The following THOP1 variants were observed in gnomAD, a reference collection of about 807,000 sequenced individuals.
THOP1 encodes thimet oligopeptidase 1, also known as thimet oligopeptidase.
THOP1 carries 49 observed loss-of-function variants against 71.8 expected under a neutral mutation model. That is an observed-to-expected ratio of 0.68 (90% CI 0.54 to 0.87). THOP1 has a LOEUF of 0.87. THOP1 is among the 40% of genes least tolerant of loss of function. THOP1 has a pLI of 0.00. For synonymous variants in THOP1, 426 were observed against 421.5 expected, an observed-to-expected ratio of 1.01 and a Z score of -0.13; for missense variants, 843 against 975.6, an observed-to-expected ratio of 0.86 and a Z score of 1.81.
In THOP1 at chr19:2,801,476, G is replaced by A. The variant is rs961609720; in HGVS notation, c.589+1685G>A. 1.3e-5 allele frequency among the ~76,000 whole-genome samples: 2 copies of A among 152,178 alleles called. No individual in the cohort carries two copies. The highest frequency in any genetic ancestry group is 2.4e-5 in the African/African-American group (1 of 41,436). On this transcript the variant is annotated intron_variant, in intron 5 of 12. Transcript: ENST00000307741. The surrounding 1 kb of genome is among the most constrained non-coding windows in gnomAD (Gnocchi z 5.1). ...GAGTCCCATGTGGCCAGGTGACACC[G>A]TCATGCGGGTGGCTAGCGTGTTGGG...
intron 4 of THOP1, 51 bp downstream of exon 4, chr19:2,796,239 G>T: frequency 6.9e-7 from 1 of 1,448,890 alleles, no homozygotes; most frequent in South Asian, 1.2e-5. Flanking sequence ...TCGATCCCGG[G>T]GAGTGCTGGG....
At chr19:2,799,627 G>C in intron 4 of THOP1, 62 bp from the exon 5 acceptor site, 1 of 1,373,944 alleles carries the variant, frequency 7.3e-7, no homozygotes, top group Non-Finnish European at 1.0e-6. Context: ...CCCAGGCGTT[G>C]CGTCTCCCCG....
At chr19:2,800,239 G>A (rs2144768801) in intron 5 of THOP1, among the ~76,000 whole-genome samples, 1 of 152,322 alleles carries the variant, frequency 6.6e-6, no homozygotes, top group Admixed American at 6.5e-5. Flanking sequence ...AGGCTGGAGT[G>A]CAGTGGTGCG....
chr19:2,789,617 C>T lies in THOP1; in HGVS notation c.17-804C>T, dbSNP rs147599807. On this transcript the variant is annotated intron_variant, in intron 1 of 12. Coordinates refer to ENST00000307741, the MANE Select transcript of THOP1 (RefSeq NM_003249.5). ...GAAGGGACTCCTCCCGAAAACCCCC[C>T]GATACCTCACCTTTCCCCTCTGGCA... Among the ~76,000 whole-genome samples the T allele has an allele frequency of 8.5e-3, 1,297 of 152,316 alleles. 22 individuals carry two copies. Among genetic ancestry groups the T allele is most frequent in the African/African-American group, 0.03 (1,240 of 41,574 alleles).
intron 4 of THOP1, among the ~76,000 whole-genome samples, chr19:2,798,402 T>G (rs1472621864): frequency 6.6e-6 from 1 of 151,952 alleles, no homozygotes; most frequent in Non-Finnish European, 1.5e-5. Context: ...AGCCACAAAC[T>G]CTCCCACAAG....
chr19:2,811,297 G>T lies in THOP1; in HGVS notation c.1772-301G>T, dbSNP rs375971187. ...CGTTTTCAGCAGCGTGGCCTGTGATGTTGCGTGGGCGTGCCTTGCTTTATT... is the reference window on the plus strand; with the variant it reads ...CGTTTTCAGCAGCGTGGCCTGTGATTTTGCGTGGGCGTGCCTTGCTTTATT... On this transcript the variant is annotated intron_variant, in intron 11 of 12. Coordinates refer to ENST00000307741, the MANE Select transcript of THOP1 (RefSeq NM_003249.5). Among the ~76,000 whole-genome samples the T allele has an allele frequency of 3.9e-5, 6 of 152,356 alleles. No homozygotes were observed. The East Asian group carries it at 9.6e-4, about 24-fold the overall frequency.
At position 2,807,437 on chromosome 19, in the gene THOP1, C is replaced by T. The variant is rs375628046; in HGVS notation, c.887-5C>T. The T allele has an allele frequency of 2.8e-5, 44 of 1,582,002 alleles. No individual in the cohort carries two copies. The highest frequency in any genetic ancestry group is 1.2e-4 in the African/African-American group (9 of 74,452). ...GAGAGGCCCACCTTTCTGCCCTCCC[C>T]GCAGATGAGCTGGCGCAGAAGCTGA... is the stretch of plus-strand genomic sequence containing the variant. On this transcript the variant is annotated splice_region_variant and splice_polypyrimidine_tract_variant and intron_variant, in intron 7 of 12. Transcript: ENST00000307741.
chr19:2,799,658 C>T (rs367587163), intron 4 of THOP1, 31 bp from the exon 5 acceptor site: 2 of 1,571,212 alleles, frequency 1.3e-6, no homozygotes, highest in Non-Finnish European at 1.7e-6. Flanking sequence ...CCCGGTCTCT[C>T]CCTCCCCTCA....
chr19:2,813,338 C>CG lies in THOP1; in HGVS notation c.*64dup. ...CCCGCCGCCCTGGTGCCTTAGCCCC[C>CG]GGCACAGGATGGGGCAGGCTCTGGC... On this transcript the variant is annotated 3_prime_UTR_variant, in exon 13 of 13. Transcript: ENST00000307741. 6.6e-7 allele frequency: 1 copy of CG among 1,504,346 alleles called. No individual in the cohort carries two copies. Among genetic ancestry groups the CG allele is most frequent in the East Asian group, 2.4e-5 (1 of 40,896 alleles). The allele number at this position is 1,504,346 out of a possible 1,614,324, so 93.2% of individuals were successfully genotyped here.
At chr19:2,798,930 C>A (rs538035142) in intron 4 of THOP1, among the ~76,000 whole-genome samples, 1 of 152,292 alleles carries the variant, frequency 6.6e-6, no homozygotes, top group South Asian at 2.1e-4. Flanking sequence ...TTCAAGGCCA[C>A]CAGAGGGACC....
chr19:2,811,624 C>A lies in THOP1; in HGVS notation c.1798C>A (p.His600Asn). 2 of 1,613,302 alleles carry A rather than the reference C, an allele frequency of 1.2e-6. No homozygotes were observed. Among genetic ancestry groups the A allele is most frequent in the Non-Finnish European group, 1.7e-6 (2 of 1,179,870 alleles). Residue 600 changes from histidine to asparagine, a missense_variant, in exon 12 of 13, where the codon CAT (histidine) becomes AAT (asparagine). By Grantham distance (68) the His-to-Asn change is moderately conservative. Transcript: ENST00000307741. ...PGTNMPATFG[H>N]LAGGYDAQYY... ...AACCAACATGCCTGCAACCTTCGGC[C>A]ATCTGGCAGGTGGCTACGACGCCCA...
chr19:2,788,201 C>G (rs1341670330), intron 1 of THOP1, among the ~76,000 whole-genome samples: 1 of 152,180 alleles, frequency 6.6e-6, no homozygotes, highest in Non-Finnish European at 1.5e-5. Flanking sequence ...CTGAATTGTT[C>G]CCGTTTTGCA....
chr19:2,788,997 G>C (rs1445694954), intron 1 of THOP1, among the ~76,000 whole-genome samples: 3 of 152,222 alleles, frequency 2.0e-5, no homozygotes, highest in Non-Finnish European at 4.4e-5. Context: ...CTGACCTCAA[G>C]TGATCCGCCT....
intron 8 of THOP1, 37 bp from the exon 9 acceptor site, chr19:2,808,206 T>C (rs1159936405): frequency 6.5e-7 from 1 of 1,539,784 alleles, no homozygotes; most frequent in Non-Finnish European, 8.8e-7. Context: ...GCGGTGTCTC[T>C]AGTCCCTGCG....
At chr19:2,800,648 G>T (rs1916123723) in intron 5 of THOP1, among the ~76,000 whole-genome samples, 1 of 152,240 alleles carries the variant, frequency 6.6e-6, no homozygotes, top group Admixed American at 6.5e-5. Flanking sequence ...GGGAACACTC[G>T]CAGGTCGGGC....
In THOP1 at chr19:2,801,009, C is replaced by G. The variant is rs2283594; in HGVS notation, c.589+1218C>G. Among the ~76,000 whole-genome samples, 5 of 152,226 alleles carry G rather than the reference C, an allele frequency of 3.3e-5. No homozygotes were observed. The highest frequency in any genetic ancestry group is 7.3e-5 in the Non-Finnish European group (5 of 68,046). Reference sequence around the variant, plus strand: ...AACAAAAGCTTCTCATTGCAAGTGACTCCCAAGGAGACTGGGCGTCCAGCT... The same window carrying G: ...AACAAAAGCTTCTCATTGCAAGTGAGTCCCAAGGAGACTGGGCGTCCAGCT... On this transcript the variant is annotated intron_variant, in intron 5 of 12. Transcript: ENST00000307741. This position sits in a 1 kb window ranked among gnomAD's most constrained non-coding sequence, Gnocchi z 5.1.
At chr19:2,812,182 G>C (rs1916494764) in intron 12 of THOP1, 1 of 1,492,130 alleles carries the variant, frequency 6.7e-7, no homozygotes. Flanking sequence ...CCATTCATTT[G>C]CTCCTCCAAC....
At position 2,815,426 on chromosome 19, in the gene THOP1, G is replaced by T. The variant is rs1390584253; in HGVS notation, c.*2150G>T. The T allele has an allele frequency of 6.6e-6, 1 of 152,626 alleles. No individual in the cohort carries two copies. Among genetic ancestry groups the T allele is most frequent in the African/African-American group, 2.4e-5 (1 of 41,590 alleles). The allele number at this position is 152,626 out of a possible 1,614,324, so 9.5% of individuals were successfully genotyped here. ...GGCAGCCCCCCGCGGTGCTTCGCAA[G>T]TTGGGCCGCCTCCCCCAGCATGTCC... On this transcript the variant is annotated 3_prime_UTR_variant, in exon 13 of 13. Coordinates refer to ENST00000307741, the MANE Select transcript of THOP1 (RefSeq NM_003249.5).
In THOP1 at chr19:2,790,386, A is replaced by G. The variant is rs202060855; in HGVS notation, c.17-35A>G. On this transcript the variant is annotated intron_variant, in intron 1 of 12. Transcript: ENST00000307741. ...CTTTGACCCTAACTGAACCGAAAGCAGACCCGCCCGGCACTGGGTTTTGTT... is the reference window on the plus strand; with the variant it reads ...CTTTGACCCTAACTGAACCGAAAGCGGACCCGCCCGGCACTGGGTTTTGTT... 362 of 1,491,742 alleles carry G rather than the reference A, an allele frequency of 2.4e-4. 1 individual carries two copies. The African/African-American group carries it at 4.7e-3, about 20-fold the overall frequency. 92.4% of individuals were successfully genotyped at this position (1,491,742 alleles called of 1,614,324 possible). A position where few individuals can be genotyped will look rare whatever the true frequency, so the allele number is the denominator to read the frequency against.
Sources: gnomAD v4.1 joint callset for allele counts (sites outside exome capture counted in the v4.1 genomes callset) on GRCh38, gnomAD v4.1.1 for gene constraint, Gnocchi (gnomAD v3.1) non-coding constraint, MANE v1.5 for transcripts, NCBI Gene and HGNC (gene_info 2026-07-23, HGNC 2026-07-21) for gene names.